The following SMYD3 variants were observed in gnomAD, a reference collection of about 807,000 sequenced individuals.
SMYD3 encodes the protein histone-lysine N-methyltransferase SMYD3.
Under a neutral mutation model 57.7 loss-of-function variants are expected in SMYD3, and 36 were observed. That is an observed-to-expected ratio of 0.62 (90% confidence interval 0.48 to 0.82). SMYD3 has a LOEUF of 0.82. Among genes scored for constraint, SMYD3 ranks in the 40% least tolerant of loss-of-function variants. The pLI is 0.00. For synonymous variants in SMYD3, 211 were observed against 195.0 expected (o/e 1.08, Z -0.68); for missense variants, 515 against 538.8 (o/e 0.96, Z 0.44).
At chr1:245,906,238 T>C (rs2054556064) in intron 8 of SMYD3, among the ~76,000 whole-genome samples, 1 of 152,184 alleles carries the variant, frequency 6.6e-6, no homozygotes, top group African/African-American at 2.4e-5. Context: ...ATTTGCAAGC[T>C]ACCCATCTGA....
At chr1:246,188,525 G>C (rs1004479004) in intron 5 of SMYD3, among the ~76,000 whole-genome samples, 9 of 151,990 alleles carry the variant, frequency 5.9e-5, no homozygotes, top group African/African-American at 2.2e-4. Flanking sequence ...ATTTCCAAAA[G>C]ATTTTTGTCA....
At chr1:246,251,487 T>C (rs1780825) in intron 5 of SMYD3, among the ~76,000 whole-genome samples, 28,784 of 93,060 alleles carry the variant, frequency 0.31, 4,536 homozygotes, top group East Asian at 0.65. Context: ...TCGGACACTG[T>C]GCCCGGCTTT....
At chr1:246,431,914 C>CT (rs1346017596) in intron 1 of SMYD3, among the ~76,000 whole-genome samples, 1 of 152,160 alleles carries the variant, frequency 6.6e-6, no homozygotes, top group Non-Finnish European at 1.5e-5. Flanking sequence ...TGAAAAAACT[C>CT]TAACTTTTAT....
chr1:245,982,884 AAAC>A (rs1161779462), intron 5 of SMYD3, among the ~76,000 whole-genome samples: 5 of 152,240 alleles, frequency 3.3e-5, no homozygotes, highest in Admixed American at 2.0e-4. Context: ...ACGAAACAAG[AAAC>A]ACTTGCAAAG....
intron 5 of SMYD3, among the ~76,000 whole-genome samples, chr1:246,055,385 A>C (rs34225987): frequency 0.076 from 11,526 of 152,184 alleles, 513 homozygotes; most frequent in African/African-American, 0.12. Flanking sequence ...CTCATTTGAG[A>C]CCAGGAGTTC....
At chr1:246,338,833 T>G (rs1054983823) in intron 2 of SMYD3, among the ~76,000 whole-genome samples, 3 of 152,136 alleles carry the variant, frequency 2.0e-5, no homozygotes, top group African/African-American at 7.2e-5. Flanking sequence ...ATCTTGAGGG[T>G]TGTTTGAGAA....
chr1:246,062,779 G>A (rs1210366147), intron 5 of SMYD3, among the ~76,000 whole-genome samples: 1 of 152,028 alleles, frequency 6.6e-6, no homozygotes, highest in Non-Finnish European at 1.5e-5. Flanking sequence ...GTTCAATAAC[G>A]TTTCAGCAAA....
intron 5 of SMYD3, among the ~76,000 whole-genome samples, chr1:246,186,374 G>A (rs889062568): frequency 1.4e-4 from 22 of 152,042 alleles, no homozygotes; most frequent in Admixed American, 3.3e-4. Flanking sequence ...AGAACCAGGC[G>A]CTTTACTGTC....
At chr1:245,934,145 C>T (rs1425776785) in intron 5 of SMYD3, among the ~76,000 whole-genome samples, 1 of 152,168 alleles carries the variant, frequency 6.6e-6, no homozygotes, top group Non-Finnish European at 1.5e-5. Flanking sequence ...GTGTCTGGCA[C>T]AGAAGACTTT....
intron 5 of SMYD3, among the ~76,000 whole-genome samples, chr1:246,192,602 T>C (rs1217411726): frequency 6.6e-6 from 1 of 152,204 alleles, no homozygotes; most frequent in African/African-American, 2.4e-5. Context: ...ATGTAAATGC[T>C]ACAATAAAAT....
At chr1:245,989,333 C>T (rs2058769016) in intron 5 of SMYD3, among the ~76,000 whole-genome samples, 1 of 152,150 alleles carries the variant, frequency 6.6e-6, no homozygotes, top group Admixed American at 6.5e-5. Flanking sequence ...AGTACTTGAC[C>T]ATTTCCTCTC....
chr1:245,794,146 T>G (rs2047423160), intron 10 of SMYD3, among the ~76,000 whole-genome samples: 1 of 152,262 alleles, frequency 6.6e-6, no homozygotes, highest in Admixed American at 6.5e-5. Flanking sequence ...AAAGCAGTTG[T>G]GTTCACATTC....
chr1:246,129,864 G>A (rs1235815484), intron 5 of SMYD3, among the ~76,000 whole-genome samples: 2 of 152,054 alleles, frequency 1.3e-5, no homozygotes, highest in Admixed American at 6.5e-5. Flanking sequence ...CTAAATTTGT[G>A]CATAGAAACA....
chr1:245,986,681 C>T (rs1259259742), intron 5 of SMYD3, among the ~76,000 whole-genome samples: 1 of 152,174 alleles, frequency 6.6e-6, no homozygotes, highest in African/African-American at 2.4e-5. Context: ...AGGAAGTCTC[C>T]ATGTCTCCAC....
At chr1:246,031,733 T>C (rs2059679854) in intron 5 of SMYD3, among the ~76,000 whole-genome samples, 1 of 119,224 alleles carries the variant, frequency 8.4e-6, no homozygotes, top group Admixed American at 7.9e-5. Context: ...CGAGACTTTG[T>C]CTCGAAAAAA....
chr1:245,917,035 A>AG (rs1491481027), intron 7 of SMYD3, among the ~76,000 whole-genome samples: 1 of 334 alleles, frequency 3.0e-3, no homozygotes, highest in Non-Finnish European at 8.5e-3. Context: ...ATTGGGCTTT[A>AG]AAAAAAAAAA....
At chr1:246,499,478 G>T (rs1323209106) in intron 1 of SMYD3, among the ~76,000 whole-genome samples, 4 of 150,832 alleles carry the variant, frequency 2.7e-5, no homozygotes, top group Non-Finnish European at 5.9e-5. Flanking sequence ...TTTTTTGGAG[G>T]CAGGGTCTCA....
intron 5 of SMYD3, among the ~76,000 whole-genome samples, chr1:246,248,950 C>CTGATTATTGATACTCCACA (rs2063756306): frequency 6.6e-6 from 1 of 151,378 alleles, no homozygotes; most frequent in Admixed American, 6.6e-5. Flanking sequence ...GCCACCGTGC[C>CTGATTATTGATACTCCACA]CAGCCGCTCT....
intron 1 of SMYD3, among the ~76,000 whole-genome samples, chr1:246,463,653 T>TG (rs2067836028): frequency 5.6e-5 from 1 of 17,848 alleles, no homozygotes. Flanking sequence ...CCATCTCTAC[T>TG]AAAAATACAA....
Sources: gnomAD v4.1 joint callset for allele counts (sites outside exome capture counted in the v4.1 genomes callset) on GRCh38, gnomAD v4.1.1 for gene constraint, MANE v1.5 for transcripts, NCBI Gene and HGNC (gene_info 2026-07-23, HGNC 2026-07-21) for gene names.